Variants in GRAMD2B observed in about 807,000 individuals in gnomAD.
GRAMD2B encodes the protein GRAM domain-containing protein 2B.
In GRAMD2B, 41 loss-of-function variants were observed where a neutral mutation model predicts 59.2. The observed-to-expected ratio is 0.69, with a 90% CI of 0.54 to 0.90. The LOEUF (loss-of-function observed/expected upper bound fraction) is 0.90. GRAMD2B is among the 40% of genes least tolerant of loss of function. The pLI, the probability that GRAMD2B is intolerant of heterozygous loss-of-function variation, is 0.00. For synonymous variants in GRAMD2B, 161 were observed against 182.7 expected, an observed-to-expected ratio of 0.88 and a Z score of 0.96; for missense variants, 424 against 500.5, an observed-to-expected ratio of 0.85 and a Z score of 1.46.
chr5:126,372,806 T>C (rs190402253), intron 1 of GRAMD2B, among the ~76,000 whole-genome samples: 1 of 152,282 alleles, frequency 6.6e-6, no homozygotes, highest in East Asian at 1.9e-4. Flanking sequence ...GAGCTTCAAG[T>C]GCCTCTTGAA....
upstream of GRAMD2B, among the ~76,000 whole-genome samples, chr5:126,421,953 A>G (rs1759766943): frequency 6.6e-6 from 1 of 152,188 alleles, no homozygotes; most frequent in Non-Finnish European, 1.5e-5. Flanking sequence ...CAGGCATGTC[A>G]TGCTCTACTG....
intron 1 of GRAMD2B, among the ~76,000 whole-genome samples, chr5:126,464,303 T>C (rs1267731240): frequency 6.6e-6 from 1 of 152,246 alleles, no homozygotes; most frequent in Admixed American, 6.5e-5. Context: ...TCTTAACATG[T>C]CTTTCTTTAG....
intron 10 of GRAMD2B, among the ~76,000 whole-genome samples, chr5:126,484,873 C>T (rs1228613529): frequency 6.6e-6 from 1 of 152,178 alleles, no homozygotes; most frequent in African/African-American, 2.4e-5. Context: ...CTTGAGCCAC[C>T]ATGCCCGGCC....
At chr5:126,391,148 C>T (rs1756707948) in intron 1 of GRAMD2B, among the ~76,000 whole-genome samples, 1 of 151,770 alleles carries the variant, frequency 6.6e-6, no homozygotes, top group Non-Finnish European at 1.5e-5. Flanking sequence ...TGAGACCAGC[C>T]TGGCCAACAT....
intron 1 of GRAMD2B, among the ~76,000 whole-genome samples, chr5:126,401,856 A>T (rs895125556): frequency 2.0e-5 from 3 of 152,080 alleles, no homozygotes; most frequent in African/African-American, 7.2e-5. Context: ...CTTAGTCAAG[A>T]TATCACTGTT....
intron 1 of GRAMD2B, among the ~76,000 whole-genome samples, chr5:126,403,612 A>C (rs1758012927): frequency 6.6e-6 from 1 of 151,924 alleles, no homozygotes; most frequent in African/African-American, 2.4e-5. Context: ...GGGGGGAAAA[A>C]ATTTTAACAG....
At chr5:126,426,507 T>C (rs961878317) in intron 1 of GRAMD2B, among the ~76,000 whole-genome samples, 1 of 152,222 alleles carries the variant, frequency 6.6e-6, no homozygotes, top group Admixed American at 6.5e-5. Context: ...CAAAGTACTG[T>C]TTCAAGTTGT....
intron 1 of GRAMD2B, among the ~76,000 whole-genome samples, chr5:126,362,023 C>A (rs1380924593): frequency 6.6e-6 from 1 of 152,186 alleles, no homozygotes; most frequent in Non-Finnish European, 1.5e-5. Context: ...AATGTGGTGA[C>A]CTTTCAAAAA....
chr5:126,381,584 T>A (rs1755661515), intron 1 of GRAMD2B, among the ~76,000 whole-genome samples: 1 of 152,226 alleles, frequency 6.6e-6, no homozygotes, highest in African/African-American at 2.4e-5. Flanking sequence ...TGAGTCCTTA[T>A]GTGTTAGGTG....
intron 11 of GRAMD2B, 26 bp downstream of exon 11, chr5:126,485,799 G>A: frequency 7.3e-7 from 1 of 1,376,716 alleles, no homozygotes; most frequent in Non-Finnish European, 1.0e-6. Flanking sequence ...TACTGTGAGT[G>A]ACTAAGAAAA....
At chr5:126,450,191 A>AG (rs1362969331) in intron 1 of GRAMD2B, among the ~76,000 whole-genome samples, 2 of 152,022 alleles carry the variant, frequency 1.3e-5, no homozygotes, top group African/African-American at 2.4e-5. Context: ...GGCTTAGCTG[A>AG]GGGCCAGAGT....
At chr5:126,422,829 C>T (rs904256407), upstream of GRAMD2B, among the ~76,000 whole-genome samples, 3 of 152,236 alleles carry the variant, frequency 2.0e-5, no homozygotes, top group East Asian at 1.9e-4. Context: ...TGGGAATTAT[C>T]AAACACCAAT....
chr5:126,467,211 G>T (rs552753283), intron 2 of GRAMD2B, among the ~76,000 whole-genome samples: 4 of 152,182 alleles, frequency 2.6e-5, no homozygotes, highest in African/African-American at 9.6e-5. Flanking sequence ...GAAAGTGGAG[G>T]TTGCAGTAAG....
chr5:126,374,701 T>G (rs551492077), intron 1 of GRAMD2B, among the ~76,000 whole-genome samples: 6 of 152,364 alleles, frequency 3.9e-5, no homozygotes, highest in African/African-American at 1.2e-4. Flanking sequence ...CGTATTTCCT[T>G]TTCTGATGTG....
intron 1 of GRAMD2B, among the ~76,000 whole-genome samples, chr5:126,381,095 G>C (rs1755617549): frequency 1.3e-5 from 2 of 151,934 alleles, no homozygotes; most frequent in Non-Finnish European, 2.9e-5. Context: ...TTTTGCTGAG[G>C]GTTTTAATCA....
At chr5:126,390,562 T>C (rs564928780) in intron 1 of GRAMD2B, among the ~76,000 whole-genome samples, 1 of 152,316 alleles carries the variant, frequency 6.6e-6, no homozygotes, top group Admixed American at 6.5e-5. Context: ...CCAGAAGAAA[T>C]AAAATCATTC....
At chr5:126,400,773 T>C (rs1757761396) in intron 1 of GRAMD2B, among the ~76,000 whole-genome samples, 1 of 152,100 alleles carries the variant, frequency 6.6e-6, no homozygotes. Flanking sequence ...AATATCATCC[T>C]ACTCTCTCCT....
At chr5:126,396,424 C>T (rs1321399866) in intron 1 of GRAMD2B, among the ~76,000 whole-genome samples, 2 of 152,130 alleles carry the variant, frequency 1.3e-5, no homozygotes, top group Non-Finnish European at 2.9e-5. Context: ...TAAGAAAATG[C>T]AGTATTTGGT....
At chr5:126,477,828 C>A (rs1770921261) in intron 6 of GRAMD2B, 41 bp downstream of exon 6, 1 of 1,206,932 alleles carries the variant, frequency 8.3e-7, no homozygotes, top group South Asian at 1.2e-5. Context: ...GCTTTGTCCT[C>A]CTGCTCTGGG....
Sources: gnomAD v4.1 joint callset for allele counts (sites outside exome capture counted in the v4.1 genomes callset) on GRCh38, gnomAD v4.1.1 for gene constraint, MANE v1.5 for transcripts, NCBI Gene and HGNC (gene_info 2026-07-23, HGNC 2026-07-21) for gene names.